The following PDE11A variants were observed in gnomAD, a reference collection of about 807,000 sequenced individuals.
PDE11A encodes the protein phosphodiesterase 11A.
A neutral mutation model predicts 100.5 loss-of-function variants in PDE11A; 100 were observed. The observed-to-expected ratio is 1.00, with a 90% CI of 0.85 to 1.18. The LOEUF (loss-of-function observed/expected upper bound fraction) is 1.18. Ranked by LOEUF, PDE11A falls within the 50% of genes most tolerant of loss-of-function variation. The pLI is 0.00. For missense variants in PDE11A, 1,141 were observed against 1,152.6 expected (o/e 0.99, Z 0.15); for synonymous variants, 381 against 420.8 (o/e 0.91, Z 1.16).
chr2:177,650,695 G>A (rs1293778116), intron 19 of PDE11A, among the ~76,000 whole-genome samples: 1 of 152,110 alleles, frequency 6.6e-6, no homozygotes, highest in East Asian at 1.9e-4. Flanking sequence ...TTTATACATA[G>A]ATAGTAGGAT....
At chr2:177,806,485 C>A (rs2082873265) in intron 9 of PDE11A, among the ~76,000 whole-genome samples, 1 of 152,144 alleles carries the variant, frequency 6.6e-6, no homozygotes, top group Non-Finnish European at 1.5e-5. Flanking sequence ...AGCTGTCTGA[C>A]ATTTTTAAAA....
chr2:177,967,965 T>C (rs905972973), intron 2 of PDE11A, among the ~76,000 whole-genome samples: 15 of 152,216 alleles, frequency 9.9e-5, no homozygotes, highest in Admixed American at 6.5e-5. Flanking sequence ...AATGCAGAAA[T>C]TGAGTCTGAA....
At chr2:177,669,633 C>A (rs879567413) in intron 17 of PDE11A, 66 bp from the exon 18 acceptor site, 2 of 802,534 alleles carry the variant, frequency 2.5e-6, no homozygotes, top group Admixed American at 3.4e-5. Context: ...GAAGTTCTTT[C>A]TTGCTTATGT....
Position 177,697,428 on chromosome 2 carries a change from T to C in PDE11A, c.2249A>G (p.His750Arg). Residue 750 changes from histidine (H) to arginine (R), a missense_variant, in exon 15 of 20, where the codon CAC (histidine) becomes CGC (arginine). Transcript: ENST00000286063. ...HAVMILQSEG[H>R]NIFANLSSKE... is the part of the protein sequence containing the mutation. ...GGAGGACAGGTTAGCAAAGATATTGTGACCCTGTAATGAGAAAGTAAAAAG... is the reference window on the plus strand; with the variant it reads ...GGAGGACAGGTTAGCAAAGATATTGCGACCCTGTAATGAGAAAGTAAAAAG... The C allele has an allele frequency of 6.6e-7, 1 of 1,506,236 alleles. No individual in the cohort carries two copies. The highest frequency in any genetic ancestry group is 9.2e-7 in the Non-Finnish European group (1 of 1,081,686). 93.3% of individuals were successfully genotyped at this position (1,506,236 alleles called of 1,614,324 possible). A position where few individuals can be genotyped will look rare whatever the true frequency, so the allele number is the denominator to read the frequency against.
intron 19 of PDE11A, among the ~76,000 whole-genome samples, chr2:177,648,249 A>G (rs531631321): frequency 6.6e-6 from 1 of 152,288 alleles, no homozygotes; most frequent in Admixed American, 6.5e-5. Context: ...CAGTCTGTCT[A>G]CTGGAAGACC....
rs546721293 is a variant in PDE11A, at chr2:177,659,600, T to G, written c.2646+4266A>C. Among the ~76,000 whole-genome samples, 6 of 152,292 alleles carry G rather than the reference T, an allele frequency of 3.9e-5. No homozygotes were observed. The East Asian group carries it at 1.2e-3, about 29-fold the overall frequency. On this transcript the variant is annotated intron_variant, in intron 19 of 19. Transcript: ENST00000286063. ...AAGATTTATAATGACTCTGCACCAC[T>G]GACATTCTAGGTACACTGAGATTTG... is the stretch of plus-strand genomic sequence containing the variant.
At chr2:177,795,379 GAGCCA>G (rs2082691376) in intron 9 of PDE11A, among the ~76,000 whole-genome samples, 1 of 152,178 alleles carries the variant, frequency 6.6e-6, no homozygotes, top group African/African-American at 2.4e-5. Context: ...CCCAACACCT[GAGCCA>G]ATGTTCTGAT....
At chr2:177,911,884 CAA>C (rs199655050) in intron 2 of PDE11A, among the ~76,000 whole-genome samples, 4 of 125,616 alleles carry the variant, frequency 3.2e-5, no homozygotes, top group Middle Eastern at 4.2e-3. Context: ...ACTCCATCTC[CAA>C]AAAAAAAAAA....
chr2:178,016,682 C>T (rs6726477), intron 1 of PDE11A, among the ~76,000 whole-genome samples: 128,860 of 152,146 alleles, frequency 0.85, 55,226 homozygotes, highest in Middle Eastern at 0.93. Flanking sequence ...ACAAATAAGC[C>T]GAGACTTCAA....
At chr2:177,630,689 A>AT (rs5836618) in intron 19 of PDE11A, among the ~76,000 whole-genome samples, 4,151 of 151,496 alleles carry the variant, frequency 0.027, 103 homozygotes, top group South Asian at 0.073. Context: ...CCTTATTTTA[A>AT]TTTTTTTTTA....
chr2:177,631,500 A>T (rs2079926954), intron 19 of PDE11A, among the ~76,000 whole-genome samples: 9 of 27,496 alleles, frequency 3.3e-4, no homozygotes, highest in Non-Finnish European at 5.7e-4. Flanking sequence ...AAAAAAAAAA[A>T]AAAAAAAAAA....
intron 13 of PDE11A, among the ~76,000 whole-genome samples, chr2:177,705,847 T>C (rs1411859617): frequency 6.6e-6 from 1 of 152,190 alleles, no homozygotes; most frequent in Non-Finnish European, 1.5e-5. Context: ...GGGTTTTCAT[T>C]CCCAAGAAAT....
intron 10 of PDE11A, among the ~76,000 whole-genome samples, chr2:177,755,205 T>C (rs2082075649): frequency 6.6e-6 from 1 of 152,202 alleles, no homozygotes; most frequent in South Asian, 2.1e-4. Context: ...TTGGGTAAGT[T>C]TGAGAGCCAA....
chr2:177,647,908 C>T (rs568916413), intron 19 of PDE11A, among the ~76,000 whole-genome samples: 22 of 152,122 alleles, frequency 1.4e-4, no homozygotes, highest in African/African-American at 4.6e-4. Flanking sequence ...ACCAGGAGTT[C>T]GAGACCAGCC....
In PDE11A at chr2:177,701,094, G is replaced by C. The variant is rs374194576; in HGVS notation, c.2244+27C>G. ...AAGAGTTGTTTTGGTTTCTGTTAAG[G>C]GGAGAAGCAGAACATCAGGCCTGTA... On this transcript the variant is annotated intron_variant, in intron 14 of 19. Coordinates refer to ENST00000286063, the MANE Select transcript of PDE11A (RefSeq NM_016953.4). 67 of 1,267,900 alleles carry C rather than the reference G, an allele frequency of 5.3e-5. No individual in the cohort carries two copies. The African/African-American group carries it at 7.6e-4, about 14-fold the overall frequency. 78.5% of individuals were successfully genotyped at this position (1,267,900 alleles called of 1,614,324 possible). A position where few individuals can be genotyped will look rare whatever the true frequency, so the allele number is the denominator to read the frequency against.
chr2:177,805,067 CTAAA>C (rs1367966423), intron 9 of PDE11A, among the ~76,000 whole-genome samples: 1 of 144,212 alleles, frequency 6.9e-6, no homozygotes, highest in East Asian at 2.0e-4. Flanking sequence ...CTTGTACTCC[CTAAA>C]TATATTTTTT....
At chr2:177,942,622 G>A (rs941496361) in intron 2 of PDE11A, among the ~76,000 whole-genome samples, 6 of 151,832 alleles carry the variant, frequency 4.0e-5, no homozygotes, top group African/African-American at 7.3e-5. Flanking sequence ...GGCTTGTGTC[G>A]AACTTCCAAC....
intron 2 of PDE11A, among the ~76,000 whole-genome samples, chr2:177,984,886 G>A (rs1357970099): frequency 2.0e-5 from 3 of 152,202 alleles, no homozygotes; most frequent in African/African-American, 7.2e-5. Flanking sequence ...ATTGAAGCAT[G>A]GTGGTTAACA....
intron 9 of PDE11A, among the ~76,000 whole-genome samples, chr2:177,798,964 C>T (rs989013031): frequency 5.3e-5 from 8 of 152,114 alleles, no homozygotes; most frequent in African/African-American, 1.9e-4. Context: ...TTCCACCAGA[C>T]GATCAAGGTT....
Sources: gnomAD v4.1 joint callset for allele counts (sites outside exome capture counted in the v4.1 genomes callset) on GRCh38, gnomAD v4.1.1 for gene constraint, MANE v1.5 for transcripts, NCBI Gene and HGNC (gene_info 2026-07-23, HGNC 2026-07-21) for gene names.